Variants in ARHGAP15 observed in about 807,000 individuals in gnomAD.
ARHGAP15 encodes the protein Rho GTPase activating protein 15.
A neutral mutation model predicts 63.7 loss-of-function variants in ARHGAP15; 51 were observed. The observed-to-expected ratio is 0.80, with a 90% confidence interval of 0.64 to 1.01. The LOEUF (loss-of-function observed/expected upper bound fraction) is 1.01. Among genes scored for constraint, ARHGAP15 ranks in the 50% least tolerant of loss-of-function variants. ARHGAP15 has a pLI of 0.00. For missense variants in ARHGAP15, 560 were observed against 564.6 expected, an observed-to-expected ratio of 0.99 and a Z score of 0.08; for synonymous variants, 191 against 193.8, an observed-to-expected ratio of 0.99 and a Z score of 0.12.
intron 13 of ARHGAP15, among the ~76,000 whole-genome samples, chr2:143,723,522 C>T (rs1685153275): frequency 6.6e-6 from 1 of 152,126 alleles, no homozygotes; most frequent in Non-Finnish European, 1.5e-5. Context: ...TATGAATCTC[C>T]ACAAAGGACT....
chr2:143,486,408 C>CAAAAAAAAA (rs35904219), intron 8 of ARHGAP15, among the ~76,000 whole-genome samples: 5,285 of 132,180 alleles, frequency 0.04, 111 homozygotes, highest in East Asian at 0.14. Flanking sequence ...CCATTTCTAC[C>CAAAAAAAAA]AAAAAAAAAA....
At chr2:143,760,838 G>T (rs1686737392) in intron 13 of ARHGAP15, among the ~76,000 whole-genome samples, 1 of 152,044 alleles carries the variant, frequency 6.6e-6, no homozygotes, top group South Asian at 2.1e-4. Flanking sequence ...TGGAAAATAA[G>T]AATGACATGA....
chr2:143,342,627 A>G (rs1406784206), intron 6 of ARHGAP15, among the ~76,000 whole-genome samples: 2 of 152,056 alleles, frequency 1.3e-5, no homozygotes, highest in Non-Finnish European at 1.5e-5. Flanking sequence ...ATAAATTATA[A>G]CATCCCACCT....
chr2:143,462,054 G>A (rs1690969303), intron 8 of ARHGAP15, among the ~76,000 whole-genome samples: 2 of 152,162 alleles, frequency 1.3e-5, no homozygotes, highest in Non-Finnish European at 2.9e-5. Flanking sequence ...CAGCTACTCA[G>A]GAGGCTGAGG....
intron 1 of ARHGAP15, among the ~76,000 whole-genome samples, chr2:143,140,563 A>G (rs1689320741): frequency 6.6e-6 from 1 of 152,162 alleles, no homozygotes; most frequent in Admixed American, 6.5e-5. Context: ...ATAGTCCACA[A>G]GACAGATCTA....
intron 11 of ARHGAP15, among the ~76,000 whole-genome samples, chr2:143,586,285 A>G (rs367730095): frequency 1.3e-5 from 2 of 152,118 alleles, no homozygotes; most frequent in South Asian, 4.1e-4. Flanking sequence ...TAAGTGTGTC[A>G]CTTTAGTAAG....
intron 6 of ARHGAP15, among the ~76,000 whole-genome samples, chr2:143,303,505 A>T (rs1683014936): frequency 6.6e-6 from 1 of 152,122 alleles, no homozygotes; most frequent in African/African-American, 2.4e-5. Context: ...ACCTAAAACC[A>T]TAAAAACTCT....
chr2:143,587,120 C>T (rs751307039), intron 11 of ARHGAP15, among the ~76,000 whole-genome samples: 7 of 152,146 alleles, frequency 4.6e-5, no homozygotes, highest in African/African-American at 7.2e-5. Flanking sequence ...ATTTCTAGGT[C>T]ATTTCCTTAC....
intron 8 of ARHGAP15, 109 bp from the exon 9 acceptor site, chr2:143,487,264 T>G: frequency 7.9e-7 from 1 of 1,272,216 alleles, no homozygotes. Context: ...GCCTGAGCTA[T>G]TAATTCAGGT....
chr2:143,750,109 C>A (rs1230486553), intron 13 of ARHGAP15, among the ~76,000 whole-genome samples: 1 of 152,200 alleles, frequency 6.6e-6, no homozygotes, highest in Non-Finnish European at 1.5e-5. Flanking sequence ...GTTTATAAAA[C>A]AATTGACAGA....
chr2:143,459,896 G>A (rs901301964), intron 8 of ARHGAP15, among the ~76,000 whole-genome samples: 9 of 152,090 alleles, frequency 5.9e-5, no homozygotes, highest in Admixed American at 6.6e-5. Flanking sequence ...TAGAATAAAC[G>A]TGCATAATGT....
chr2:143,381,649 G>T (rs1687058054), intron 6 of ARHGAP15, among the ~76,000 whole-genome samples: 1 of 152,098 alleles, frequency 6.6e-6, no homozygotes, highest in Non-Finnish European at 1.5e-5. Context: ...CAGTTCCTGG[G>T]TGTTTACACA....
intron 13 of ARHGAP15, among the ~76,000 whole-genome samples, chr2:143,730,400 ATTT>A (rs1559149443): frequency 3.0e-4 from 46 of 152,016 alleles, no homozygotes; most frequent in African/African-American, 1.1e-3. Context: ...AGTATGCAAT[ATTT>A]CTTTGTCTTT....
chr2:143,277,906 AC>A (rs1486666838), intron 6 of ARHGAP15, among the ~76,000 whole-genome samples: 3 of 152,184 alleles, frequency 2.0e-5, no homozygotes, highest in Non-Finnish European at 4.4e-5. Flanking sequence ...CCAGCATCTT[AC>A]AAAGCTTGGG....
At chr2:143,462,776 T>TGGAC (rs1281596430) in intron 8 of ARHGAP15, among the ~76,000 whole-genome samples, 12 of 145,320 alleles carry the variant, frequency 8.3e-5, no homozygotes, top group African/African-American at 3.4e-4. Flanking sequence ...TGTAGTAAGA[T>TGGAC]GGATGGATGG....
chr2:143,467,219 A>C (rs1411161652), intron 8 of ARHGAP15, among the ~76,000 whole-genome samples: 3 of 135,858 alleles, frequency 2.2e-5, no homozygotes, highest in Non-Finnish European at 4.6e-5. Context: ...ATGCTTAGTC[A>C]TGCTATTCAA....
chr2:143,411,255 T>G (rs1413758451), intron 6 of ARHGAP15, among the ~76,000 whole-genome samples: 2 of 140,292 alleles, frequency 1.4e-5, no homozygotes, highest in Non-Finnish European at 3.2e-5. Context: ...ATTAAGATAC[T>G]TATAAAACTA....
chr2:143,251,782 G>A (rs1282722089), intron 6 of ARHGAP15, among the ~76,000 whole-genome samples: 1 of 151,970 alleles, frequency 6.6e-6, no homozygotes, highest in African/African-American at 2.4e-5. Context: ...AAACACGCTT[G>A]TCCTGAAATC....
rs1574080703 is a variant in ARHGAP15 at position 143,199,408 on chromosome 2, C to T, written c.166-2726C>T. The stretch of plus-strand genomic sequence containing the variant: ...TTCAGGAACTCCCTCTGCAACTTTT[C>T]TCTTAAGTATAAAATTATTCCACAA... On this transcript the variant is annotated intron_variant, in intron 2 of 13. Transcript: ENST00000295095. Among the ~76,000 whole-genome samples the T allele has an allele frequency of 2.6e-5, 4 of 152,246 alleles. No individual in the cohort carries two copies. The South Asian group carries it at 8.3e-4, about 32-fold the overall frequency.
Sources: allele counts gnomAD v4.1 joint callset (sites outside exome capture counted in the v4.1 genomes callset), GRCh38; gene constraint gnomAD v4.1.1; transcripts MANE v1.5; gene names NCBI Gene and HGNC (gene_info 2026-07-23, HGNC 2026-07-21).